Variants in SYN2 observed in about 807,000 individuals in gnomAD.
SYN2 encodes the protein synapsin-2.
SYN2 carries 19 observed loss-of-function variants against 50.9 expected under a neutral mutation model. The observed-to-expected ratio is 0.37, with a 90% confidence interval of 0.26 to 0.55. SYN2 has a LOEUF of 0.55. Among genes scored for constraint, SYN2 ranks in the 20% least tolerant of loss-of-function variants. The pLI, the probability that SYN2 is intolerant of heterozygous loss-of-function variation, is 0.81. For missense variants in SYN2, 587 were observed against 576.4 expected (o/e 1.02, Z -0.19); for synonymous variants, 255 against 224.9 (o/e 1.13, Z -1.20).
chr3:12,100,561 G>T (rs1696050434), intron 1 of SYN2, among the ~76,000 whole-genome samples: 1 of 152,114 alleles, frequency 6.6e-6, no homozygotes, highest in Non-Finnish European at 1.5e-5. Flanking sequence ...CCTTGGATTA[G>T]ATAATAGTTT....
At chr3:12,078,871 T>C (rs1023237956) in intron 1 of SYN2, among the ~76,000 whole-genome samples, 10 of 152,232 alleles carry the variant, frequency 6.6e-5, no homozygotes, top group African/African-American at 2.4e-4. Flanking sequence ...GGGAATAGCA[T>C]TGAATCTATA....
intron 1 of SYN2, among the ~76,000 whole-genome samples, chr3:12,105,163 T>C (rs112603212): frequency 4.2e-4 from 64 of 152,244 alleles, no homozygotes; most frequent in African/African-American, 1.5e-3. Flanking sequence ...CAACTCTAAA[T>C]TAGAAGAATG....
chr3:12,189,051 G>A (rs935377957), intron 12 of SYN2, among the ~76,000 whole-genome samples: 10 of 152,186 alleles, frequency 6.6e-5, no homozygotes, highest in African/African-American at 2.2e-4. Context: ...CTAATGAAAG[G>A]CAGGGTGTCT....
At chr3:12,023,001 G>A (rs1694177433) in intron 1 of SYN2, among the ~76,000 whole-genome samples, 1 of 152,166 alleles carries the variant, frequency 6.6e-6, no homozygotes, top group Admixed American at 6.5e-5. Context: ...TACAAGAGTA[G>A]TAGGAAGTTG....
chr3:12,085,527 A>T (rs1695683923), intron 1 of SYN2, among the ~76,000 whole-genome samples: 3 of 152,198 alleles, frequency 2.0e-5, no homozygotes, highest in African/African-American at 7.2e-5. Context: ...CTAGACAGAA[A>T]ATCAGTAAGG....
chr3:12,148,919 G>A (rs1254636677), intron 4 of SYN2, among the ~76,000 whole-genome samples: 1 of 152,184 alleles, frequency 6.6e-6, no homozygotes, highest in East Asian at 1.9e-4. Context: ...TCTATGTGTA[G>A]AGGTAACAGC....
intron 5 of SYN2, chr3:12,159,105 TGAAGCGATCTG>T: frequency 2.2e-6 from 1 of 450,848 alleles, no homozygotes; most frequent in Non-Finnish European, 3.9e-6. Context: ...GCCTAAGTCA[TGAAGCGATCTG>T]GAAGCAGAGG....
At chr3:12,157,256 T>C in intron 5 of SYN2, 1 of 823,288 alleles carries the variant, frequency 1.2e-6, no homozygotes. Flanking sequence ...CTCATCCAGT[T>C]CCACTTCAGT....
intron 1 of SYN2, among the ~76,000 whole-genome samples, chr3:12,031,922 T>G (rs1289926898): frequency 7.2e-6 from 1 of 139,692 alleles, no homozygotes; most frequent in South Asian, 2.6e-4. Flanking sequence ...ATCCTGTCAT[T>G]ATGATGTTAG....
At chr3:12,136,822 AG>A (rs1386289662) in intron 1 of SYN2, among the ~76,000 whole-genome samples, 1 of 152,324 alleles carries the variant, frequency 6.6e-6, no homozygotes, top group African/African-American at 2.4e-5. Context: ...ATGTTACAAT[AG>A]GGGGAAATTG....
chr3:12,110,594 T>A (rs1303117725), intron 1 of SYN2, among the ~76,000 whole-genome samples: 1 of 152,206 alleles, frequency 6.6e-6, no homozygotes. Context: ...ATCTAGGCAT[T>A]TCTATACATC....
In SYN2 at chr3:12,136,079, G is replaced by C. The variant is rs957391249; in HGVS notation, c.378-4572G>C. On this transcript the variant is annotated intron_variant, in intron 1 of 12. Transcript: ENST00000621198. ...GATTATTAGACAACCGACTTTGAAA[G>C]GTGGTATCAGATGATGATGCTGTGA... Among the ~76,000 whole-genome samples the C allele has an allele frequency of 2.2e-4, 33 of 152,152 alleles. 1 individual carries two copies.
At chr3:12,157,011 C>A (rs1361807929) in intron 5 of SYN2, 1 of 1,033,452 alleles carries the variant, frequency 9.7e-7, no homozygotes. Context: ...AAACCTCTCA[C>A]TTCTCAGCCT....
In SYN2 at chr3:12,126,232, C is replaced by T. The variant is rs191546839; in HGVS notation, c.378-14419C>T. Among the ~76,000 whole-genome samples the T allele has an allele frequency of 2.2e-4, 33 of 152,326 alleles. No individual in the cohort carries two copies. In the East Asian group the frequency reaches 3.9e-3, roughly 18 times the overall value. ...ATTCCAAATGATGTGCTTCATAGAT[C>T]GGCAGAAGTCCCTCTCCTGGCCATT... On this transcript the variant is annotated intron_variant, in intron 1 of 12. Coordinates refer to ENST00000621198, the MANE Select transcript of SYN2 (RefSeq NM_133625.6).
chr3:12,122,695 T>C (rs1696587009), intron 1 of SYN2, among the ~76,000 whole-genome samples: 1 of 152,168 alleles, frequency 6.6e-6, no homozygotes, highest in Admixed American at 6.6e-5. Flanking sequence ...TTATACTACA[T>C]GGATAATCTG....
At position 12,169,742 on chromosome 3, in the gene SYN2, C is replaced by T. The variant is rs756496797; in HGVS notation, c.1159-15C>T. On this transcript the variant is annotated splice_polypyrimidine_tract_variant and intron_variant, in intron 9 of 12. Coordinates refer to ENST00000621198, the MANE Select transcript of SYN2 (RefSeq NM_133625.6). ...TCCAGACCCCTTTCCTCACCTGGGA[C>T]ACATCTCCCACCAGGTCATGGACTG... 6.2e-7 allele frequency: 1 copy of T among 1,613,440 alleles called. No individual in the cohort carries two copies. The highest frequency in any genetic ancestry group is 1.1e-5 in the South Asian group (1 of 90,978).
chr3:12,188,202 C>A (rs777057312), intron 12 of SYN2, among the ~76,000 whole-genome samples: 3 of 152,228 alleles, frequency 2.0e-5, no homozygotes, highest in Admixed American at 2.0e-4. Context: ...CAGGCAGAGA[C>A]GCTGAGGAAC....
At chr3:12,184,051 T>C in intron 11 of SYN2, 6 of 986,346 alleles carry the variant, frequency 6.1e-6, no homozygotes, top group Non-Finnish European at 7.2e-6. Flanking sequence ...TGCTAAAATT[T>C]GGTGCAGTTT....
intron 1 of SYN2, among the ~76,000 whole-genome samples, chr3:12,033,675 C>T (rs1444241630): frequency 1.3e-5 from 2 of 152,212 alleles, no homozygotes; most frequent in Non-Finnish European, 2.9e-5. Context: ...TCCCATTCCT[C>T]CCTTAAGCAG....
Sources: allele counts gnomAD v4.1 joint callset (sites outside exome capture counted in the v4.1 genomes callset), GRCh38; gene constraint gnomAD v4.1.1; transcripts MANE v1.5; gene names NCBI Gene and HGNC (gene_info 2026-07-23, HGNC 2026-07-21).